Variants in CUL3 observed in about 807,000 individuals in gnomAD.
The protein encoded by CUL3 is cullin 3, also known as cullin-3.
In CUL3, 19 loss-of-function variants were observed where a neutral mutation model predicts 89.1. The observed-to-expected ratio is 0.21, with a 90% CI of 0.15 to 0.31. The LOEUF (loss-of-function observed/expected upper bound fraction) is 0.31. CUL3 is among the 10% of genes least tolerant of loss of function. The pLI is 1.00. For missense variants in CUL3, 469 were observed against 942.3 expected, an observed-to-expected ratio of 0.50 and a Z score of 6.58; for synonymous variants, 351 against 308.4, an observed-to-expected ratio of 1.14 and a Z score of -1.45.
In CUL3 at chr2:224,478,190, G is replaced by A. The variant is rs771849727; in HGVS notation, c.2175+10C>T. The A allele has an allele frequency of 6.2e-7, 1 of 1,601,450 alleles. No individual in the cohort carries two copies. The highest frequency in any genetic ancestry group is 1.7e-5 in the Admixed American group (1 of 58,822). Reference sequence around the variant, plus strand: ...TTTTCTATATTAGCCCAGTAGTGAAGAGTCCTCACCTCCGCTACTAGAACA... The same window carrying A: ...TTTTCTATATTAGCCCAGTAGTGAAAAGTCCTCACCTCCGCTACTAGAACA... On this transcript the variant is annotated intron_variant, in intron 15 of 15. Coordinates refer to ENST00000264414, the MANE Select transcript of CUL3 (RefSeq NM_003590.5).
Position 224,555,607 on chromosome 2 carries a change from C to G in CUL3, c.264+2052G>C, listed in dbSNP as rs553859383. Among the ~76,000 whole-genome samples the G allele has an allele frequency of 6.6e-5, 10 of 152,280 alleles. 1 individual carries two copies. The South Asian group carries it at 1.7e-3, about 25-fold the overall frequency. The stretch of plus-strand genomic sequence containing the variant: ...CTGTTCCCAAACCATCTTTGTAACA[C>G]TACAATCCACTAATCCCTGTAATTA... On this transcript the variant is annotated intron_variant, in intron 2 of 15. Transcript: ENST00000264414.
chr2:224,582,644 A>T (rs1004361376), intron 1 of CUL3, among the ~76,000 whole-genome samples: 9 of 152,220 alleles, frequency 5.9e-5, no homozygotes, highest in Non-Finnish European at 2.9e-5. Context: ...AAATTAGCTC[A>T]TAATCATAAC....
intron 2 of CUL3, among the ~76,000 whole-genome samples, chr2:224,542,752 T>A (rs1694165274): frequency 6.6e-6 from 1 of 152,148 alleles, no homozygotes; most frequent in South Asian, 2.1e-4. Flanking sequence ...GATAAATTAA[T>A]GTCCAAGCTG....
intron 2 of CUL3, among the ~76,000 whole-genome samples, chr2:224,555,981 C>T (rs1559218532): frequency 6.6e-6 from 1 of 152,170 alleles, no homozygotes; most frequent in African/African-American, 2.4e-5. Flanking sequence ...GCATCCACTA[C>T]ATTATGACTG....
chr2:224,563,432 T>C (rs1386667656), intron 1 of CUL3: 1 of 327,156 alleles, frequency 3.1e-6, no homozygotes, highest in Non-Finnish European at 6.1e-6. Context: ...AACAAAACTT[T>C]CCAAGTATAC....
intron 10 of CUL3, among the ~76,000 whole-genome samples, chr2:224,502,381 TA>T (rs1692425249): frequency 6.6e-6 from 1 of 152,232 alleles, no homozygotes; most frequent in Non-Finnish European, 1.5e-5. Flanking sequence ...TAAATGCTCA[TA>T]AAACTCCCAT....
intron 13 of CUL3, among the ~76,000 whole-genome samples, chr2:224,491,453 G>A (rs1691972937): frequency 6.6e-6 from 1 of 152,092 alleles, no homozygotes; most frequent in Non-Finnish European, 1.5e-5. Flanking sequence ...CTCTTCTAAA[G>A]AAATGTTTTC....
At chr2:224,584,218 A>T (rs992385221) in intron 1 of CUL3, among the ~76,000 whole-genome samples, 1 of 152,154 alleles carries the variant, frequency 6.6e-6, no homozygotes, top group Non-Finnish European at 1.5e-5. Flanking sequence ...GACTACACTC[A>T]TTCTTTGGGC....
In CUL3 at chr2:224,535,001, AAAATAAATAAATAAATAAAT is replaced by A. The variant is rs201253756; in HGVS notation, c.378+507_378+526del. On this transcript the variant is annotated intron_variant, in intron 3 of 15. Transcript: ENST00000264414. ...GGGGAACAGAGCGAGACCCCGTCTC[AAAATAAATAAATAAATAAAT>A]AAATAAATAAATAAATAAATAAATA... Among the ~76,000 whole-genome samples the A allele has an allele frequency of 0.016, 2,073 of 133,160 alleles. 96 individuals carry two copies. In the East Asian group the frequency reaches 0.19, roughly 12 times the overall value. 87.4% of individuals were successfully genotyped at this position (133,160 alleles called of 152,430 possible). A position where few individuals can be genotyped will look rare whatever the true frequency, so the allele number is the denominator to read the frequency against.
chr2:224,478,424 T>C (rs1691403599), intron 14 of CUL3, 79 bp from the exon 15 acceptor site: 1 of 1,422,064 alleles, frequency 7.0e-7, no homozygotes, highest in Non-Finnish European at 9.5e-7. Context: ...TAATTCAATG[T>C]AATCCACAGA....
intron 3 of CUL3, among the ~76,000 whole-genome samples, chr2:224,519,134 T>G (rs551883996): frequency 6.6e-6 from 1 of 152,208 alleles, no homozygotes; most frequent in Non-Finnish European, 1.5e-5. Flanking sequence ...ATGCCACAAG[T>G]AAATTCCACA....
intron 8 of CUL3, 116 bp from the exon 9 acceptor site, chr2:224,503,938 T>C: frequency 2.6e-6 from 2 of 757,906 alleles, no homozygotes; most frequent in South Asian, 2.5e-5. Flanking sequence ...CTGGTTGACA[T>C]ACATCAAAAA....
At chr2:224,565,699 C>G (rs1695026397) in intron 1 of CUL3, among the ~76,000 whole-genome samples, 1 of 152,166 alleles carries the variant, frequency 6.6e-6, no homozygotes, top group African/African-American at 2.4e-5. Flanking sequence ...GTCACTGGTT[C>G]AGAAGCGCTC....
chr2:224,513,744 T>TA, intron 4 of CUL3, 106 bp from the exon 5 acceptor site: 1 of 753,154 alleles, frequency 1.3e-6, no homozygotes. Context: ...ATTTAACTCT[T>TA]ACTGAAGTGA....
chr2:224,532,223 A>G (rs1693722079), intron 3 of CUL3, among the ~76,000 whole-genome samples: 1 of 152,184 alleles, frequency 6.6e-6, no homozygotes, highest in Non-Finnish European at 1.5e-5. Flanking sequence ...ACAGAGGCAC[A>G]TGAAGCTACA....
chr2:224,511,693 T>C (rs185361663), intron 5 of CUL3, 111 bp from the exon 6 acceptor site: 2 of 591,880 alleles, frequency 3.4e-6, no homozygotes, highest in East Asian at 2.9e-5. Flanking sequence ...AAATAAGTAC[T>C]ATTAGCATTT....
intron 1 of CUL3, among the ~76,000 whole-genome samples, chr2:224,558,163 C>T (rs1045662866): frequency 1.3e-4 from 20 of 152,232 alleles, no homozygotes; most frequent in African/African-American, 4.6e-4. Flanking sequence ...AAGTCACTTA[C>T]CCCTTATCTC....
At chr2:224,484,840 G>T (rs1050997497) in intron 13 of CUL3, among the ~76,000 whole-genome samples, 1 of 152,126 alleles carries the variant, frequency 6.6e-6, no homozygotes, top group Non-Finnish European at 1.5e-5. Flanking sequence ...TTGAGATCTG[G>T]CAAGATGGCC....
chr2:224,514,882 G>A (rs1271151524), intron 3 of CUL3, 110 bp from the exon 4 acceptor site: 6 of 741,202 alleles, frequency 8.1e-6, no homozygotes, highest in African/African-American at 1.8e-5. Flanking sequence ...TCATTTTTCA[G>A]GTGAGAAACA....
Sources: allele counts gnomAD v4.1 joint callset (sites outside exome capture counted in the v4.1 genomes callset), GRCh38; gene constraint gnomAD v4.1.1; transcripts MANE v1.5; gene names NCBI Gene and HGNC (gene_info 2026-07-23, HGNC 2026-07-21).